GSG1L: variants seen among roughly 807,000 people sequenced by gnomAD.
GSG1L encodes the protein germ cell-specific gene 1-like protein.
In GSG1L, 24 loss-of-function variants were observed where a neutral mutation model predicts 42.1. The ratio of observed to expected loss-of-function variants is 0.57; its 90% confidence interval spans 0.41 to 0.80. The LOEUF is 0.80. GSG1L is among the 30% of genes least tolerant of loss of function. GSG1L has a pLI of 0.00. For synonymous variants in GSG1L, 215 were observed against 203.5 expected (o/e 1.06, Z -0.48); for missense variants, 445 against 472.2 (o/e 0.94, Z 0.53).
intron 1 of GSG1L, among the ~76,000 whole-genome samples, chr16:28,048,489 T>C (rs1034777678): frequency 1.2e-4 from 19 of 152,142 alleles, no homozygotes; most frequent in Admixed American, 2.6e-4. Context: ...CTCTAACTCC[T>C]GGTTTCAAGT....
At chr16:28,029,837 C>T (rs538408131) in intron 1 of GSG1L, among the ~76,000 whole-genome samples, 1 of 152,320 alleles carries the variant, frequency 6.6e-6, no homozygotes, top group African/African-American at 2.4e-5. Flanking sequence ...TGGATATCAA[C>T]TACACAACAC....
chr16:28,014,401 T>C (rs192515687), intron 1 of GSG1L, among the ~76,000 whole-genome samples: 161 of 152,266 alleles, frequency 1.1e-3, no homozygotes, highest in East Asian at 2.1e-3. Context: ...TCTGCTTCCA[T>C]CTCTTTACAT....
chr16:27,936,181 A>ACCAT (rs1202777015), intron 2 of GSG1L, among the ~76,000 whole-genome samples: 1 of 151,994 alleles, frequency 6.6e-6, no homozygotes, highest in African/African-American at 2.4e-5. Context: ...TTATCGGCAG[A>ACCAT]CCATCCTGCC....
At chr16:27,851,271 A>G (rs1239847858) in intron 3 of GSG1L, among the ~76,000 whole-genome samples, 2 of 152,094 alleles carry the variant, frequency 1.3e-5, no homozygotes, top group African/African-American at 4.8e-5. Context: ...ATCATAGCTC[A>G]CTGCAGCCTC....
At chr16:28,004,121 CA>C (rs1010661978) in intron 1 of GSG1L, among the ~76,000 whole-genome samples, 28 of 152,150 alleles carry the variant, frequency 1.8e-4, no homozygotes, top group African/African-American at 6.3e-4. Context: ...AGAGAGCCCA[CA>C]GGGTGGTGAG....
chr16:27,804,411 G>A (rs1019769483), intron 6 of GSG1L, among the ~76,000 whole-genome samples: 33 of 151,988 alleles, frequency 2.2e-4, no homozygotes, highest in African/African-American at 7.5e-4. Context: ...TTCTCAGAGC[G>A]CTGACTCTGA....
At chr16:27,856,107 G>A (rs1389300436) in intron 3 of GSG1L, among the ~76,000 whole-genome samples, 1 of 152,090 alleles carries the variant, frequency 6.6e-6, no homozygotes, top group Non-Finnish European at 1.5e-5. Context: ...GGCGTTAGTG[G>A]GTGCTGAGCA....
intron 3 of GSG1L, among the ~76,000 whole-genome samples, chr16:27,856,027 G>A (rs918115103): frequency 1.3e-5 from 2 of 152,144 alleles, no homozygotes; most frequent in African/African-American, 4.8e-5. Flanking sequence ...TCATTTTAGA[G>A]CAGGATTTCT....
At chr16:27,927,439 G>C (rs946594518) in intron 2 of GSG1L, among the ~76,000 whole-genome samples, 1 of 152,128 alleles carries the variant, frequency 6.6e-6, no homozygotes, top group African/African-American at 2.4e-5. Flanking sequence ...TTGTTGTTCA[G>C]AGGGAGGAAA....
intron 4 of GSG1L, among the ~76,000 whole-genome samples, chr16:27,836,417 G>A (rs1246342024): frequency 1.3e-5 from 2 of 151,814 alleles, no homozygotes; most frequent in Non-Finnish European, 2.9e-5. Context: ...GATTTGGGAA[G>A]TTTTCAGCCA....
chr16:28,020,030 T>C (rs1028117310), intron 1 of GSG1L, among the ~76,000 whole-genome samples: 5 of 152,236 alleles, frequency 3.3e-5, no homozygotes, highest in African/African-American at 1.2e-4. Context: ...GCACTGAAGA[T>C]GGTCAAGTTT....
intron 1 of GSG1L, among the ~76,000 whole-genome samples, chr16:28,060,054 G>A (rs1321870739): frequency 1.3e-5 from 2 of 152,096 alleles, no homozygotes; most frequent in African/African-American, 2.4e-5. Context: ...CTCACGGAGC[G>A]GTGAGGATCT....
intron 5 of GSG1L, among the ~76,000 whole-genome samples, chr16:27,812,820 A>C (rs1597466994): frequency 6.6e-6 from 1 of 151,668 alleles, no homozygotes; most frequent in East Asian, 1.9e-4. Flanking sequence ...ACAGAGTCTT[A>C]CTCTCTCACC....
In GSG1L at chr16:27,944,570, C is replaced by T. The variant is rs1318139239; in HGVS notation, c.397+18586G>A. The stretch of plus-strand genomic sequence containing the variant: ...CCAGGAGGTGGAGGTTGCAGTGAGC[C>T]GAGATCACGCCACTGCACTCCAGCC... On this transcript the variant is annotated intron_variant, in intron 2 of 6. Coordinates refer to ENST00000447459, the MANE Select transcript of GSG1L (RefSeq NM_001109763.2). Among the ~76,000 whole-genome samples, 27 of 149,048 alleles carry T rather than the reference C, an allele frequency of 1.8e-4. No homozygotes were observed. In the East Asian group the frequency reaches 5.0e-3, roughly 28 times the overall value.
At chr16:28,045,265 AC>A (rs1294988378) in intron 1 of GSG1L, among the ~76,000 whole-genome samples, 1 of 152,180 alleles carries the variant, frequency 6.6e-6, no homozygotes, top group Admixed American at 6.5e-5. Flanking sequence ...TTACCAATGT[AC>A]CACTCTGGTG....
At chr16:27,807,389 T>G in intron 6 of GSG1L, 98 bp downstream of exon 6, 1 of 917,412 alleles carries the variant, frequency 1.1e-6, no homozygotes, top group Admixed American at 2.1e-5. Flanking sequence ...CAGGGTGCAG[T>G]GGGGGGTGGG....
At chr16:28,062,951 G>A in intron 1 of GSG1L, 125 bp downstream of exon 1, 1 of 1,182,270 alleles carries the variant, frequency 8.5e-7, no homozygotes. Flanking sequence ...CCCTAGCCAG[G>A]CGGAGCGCTG....
intron 1 of GSG1L, among the ~76,000 whole-genome samples, chr16:27,979,402 C>T (rs1463701934): frequency 6.6e-6 from 1 of 151,424 alleles, no homozygotes; most frequent in Non-Finnish European, 1.5e-5. Context: ...CCCATCTCTA[C>T]TAAAAATACA....
intron 6 of GSG1L, among the ~76,000 whole-genome samples, chr16:27,801,735 C>A (rs1401999679): frequency 6.6e-6 from 1 of 152,162 alleles, no homozygotes; most frequent in Non-Finnish European, 1.5e-5. Flanking sequence ...CATCACCTAG[C>A]GGTCCAGGGT....
Sources: allele counts gnomAD v4.1 joint callset (sites outside exome capture counted in the v4.1 genomes callset), GRCh38; gene constraint gnomAD v4.1.1; transcripts MANE v1.5; gene names NCBI Gene and HGNC (gene_info 2026-07-23, HGNC 2026-07-21).